GSDME: variants seen among roughly 807,000 people sequenced by gnomAD.
GSDME encodes the protein gasdermin-E.
GSDME carries 44 observed loss-of-function variants against 47.5 expected under a neutral mutation model. The observed-to-expected ratio is 0.93, with a 90% CI of 0.73 to 1.19. The LOEUF (loss-of-function observed/expected upper bound fraction) is 1.19, where lower values mean the gene tolerates loss of function less well. GSDME is among the 50% of genes most tolerant of loss of function. GSDME has a pLI of 0.00. For missense variants in GSDME, 663 were observed against 604.2 expected, an observed-to-expected ratio of 1.10 and a Z score of -1.02; for synonymous variants, 258 against 252.8, an observed-to-expected ratio of 1.02 and a Z score of -0.20.
At chr7:24,792,040 G>A in the GSDME span, among the ~76,000 whole-genome samples, 5 of 152,192 alleles carry the variant, frequency 3.3e-5, no homozygotes, top group Non-Finnish European at 5.9e-5. Context: ...GTCCATGCCT[G>A]GTCGACTGGA....
chr7:24,715,573 G>T (rs2721815), intron 5 of GSDME: 24 of 456,720 alleles, frequency 5.3e-5, no homozygotes, highest in African/African-American at 4.6e-4. Flanking sequence ...ACATAGGGGG[G>T]CTAGAAACCC....
intron 9 of GSDME, chr7:24,702,506 T>G: frequency 2.4e-6 from 1 of 412,182 alleles, no homozygotes; most frequent in Non-Finnish European, 4.7e-6. Flanking sequence ...AGTATAAGAG[T>G]TGGAGTCGAA....
chr7:24,761,567 T>C (rs1053722802), upstream of GSDME, among the ~76,000 whole-genome samples: 8 of 152,206 alleles, frequency 5.3e-5, no homozygotes, highest in African/African-American at 1.2e-4. This position sits in a 1 kb window ranked among gnomAD's most constrained non-coding sequence, Gnocchi z 4.4. Flanking sequence ...AACTATCACA[T>C]TGGTGATTAA....
chr7:24,703,193 A>T, intron 8 of GSDME: 1 of 350,792 alleles, frequency 2.9e-6, no homozygotes, highest in South Asian at 2.3e-5. Flanking sequence ...CCACACATTC[A>T]GGCTGCAGCC....
intron 8 of GSDME, chr7:24,703,050 T>A (rs989218743): frequency 2.7e-5 from 13 of 484,066 alleles, no homozygotes; most frequent in Admixed American, 5.2e-5. Flanking sequence ...AGCTCTGCAT[T>A]CCACAGAGGA....
At chr7:24,792,035 T>C in the GSDME span, among the ~76,000 whole-genome samples, 3 of 152,198 alleles carry the variant, frequency 2.0e-5, no homozygotes, top group South Asian at 4.1e-4. Flanking sequence ...ATGAAGTCCA[T>C]GCCTGGTCGA....
chr7:24,768,084 GT>G, the GSDME span, among the ~76,000 whole-genome samples: 1 of 152,210 alleles, frequency 6.6e-6, no homozygotes, highest in Non-Finnish European at 1.5e-5. The surrounding 1 kb of genome is among the most constrained non-coding windows in gnomAD (Gnocchi z 5.6). Context: ...CCCCCAGCTG[GT>G]TTTGTGGTCA....
intron 3 of GSDME, among the ~76,000 whole-genome samples, chr7:24,727,223 C>T (rs989245356): frequency 1.3e-5 from 2 of 152,254 alleles, no homozygotes; most frequent in African/African-American, 2.4e-5. Flanking sequence ...ACAGGCCCAC[C>T]TGAACCACAT....
At chr7:24,759,097 T>C (rs1410382504), upstream of GSDME, among the ~76,000 whole-genome samples, 1 of 152,164 alleles carries the variant, frequency 6.6e-6, no homozygotes. Context: ...GCCCCTGATT[T>C]GCTAATGTGA....
chr7:24,702,897 C>T (rs1041938461), intron 8 of GSDME, 64 bp from the exon 9 acceptor site: 37 of 1,384,270 alleles, frequency 2.7e-5, no homozygotes, highest in Admixed American at 1.7e-5. Context: ...AGAGCCAGCC[C>T]CTGGATGGCA....
At chr7:24,760,826 A>G (rs919669307), upstream of GSDME, among the ~76,000 whole-genome samples, 3 of 152,224 alleles carry the variant, frequency 2.0e-5, no homozygotes, top group Non-Finnish European at 4.4e-5. The surrounding 1 kb of genome is among the most constrained non-coding windows in gnomAD (Gnocchi z 4.2). Context: ...TAAAATAAAA[A>G]GCTTTATAGA....
rs1416852541 is a variant in GSDME at position 24,726,402 on chromosome 7, C to G, written c.405-7184G>C. ...CATGCAGACCCCACACTTCAACTCTCCTTCATTCATCTCCACAAATACCTG... is the reference window on the plus strand; with the variant it reads ...CATGCAGACCCCACACTTCAACTCTGCTTCATTCATCTCCACAAATACCTG... On this transcript the variant is annotated intron_variant, in intron 3 of 9. Transcript: ENST00000645220. This position sits in a 1 kb window ranked among gnomAD's most constrained non-coding sequence, Gnocchi z 5.6. Among the ~76,000 whole-genome samples the G allele has an allele frequency of 1.3e-5, 2 of 152,154 alleles. No individual in the cohort carries two copies. Among genetic ancestry groups the G allele is most frequent in the Non-Finnish European group, 1.5e-5 (1 of 68,032 alleles).
At chr7:24,740,811 T>C (rs1790465059) in intron 3 of GSDME, among the ~76,000 whole-genome samples, 1 of 152,208 alleles carries the variant, frequency 6.6e-6, no homozygotes, top group Admixed American at 6.5e-5. Context: ...TTCTCATTAC[T>C]GTATGTGCAT....
rs753293010 is a variant in GSDME, at chr7:24,702,703, C to T, written c.1257+57G>A. Reference sequence around the variant, plus strand: ...TTTTACCGGCTGCTGGATGTCTACCCCCTCATCATTTCCCCATTCCTATCC... The same window carrying T: ...TTTTACCGGCTGCTGGATGTCTACCTCCTCATCATTTCCCCATTCCTATCC... On this transcript the variant is annotated intron_variant, in intron 9 of 9. Transcript: ENST00000645220. 6.3e-6 allele frequency: 9 copies of T among 1,433,346 alleles called. No homozygotes were observed. In the Admixed American group the frequency reaches 1.2e-4, roughly 19 times the overall value. 88.8% of individuals were successfully genotyped at this position (1,433,346 alleles called of 1,614,324 possible). A position where few individuals can be genotyped will look rare whatever the true frequency, so the allele number is the denominator to read the frequency against.
chr7:24,702,664 A>G (rs1246682786), intron 9 of GSDME, 96 bp downstream of exon 9: 3 of 954,016 alleles, frequency 3.1e-6, no homozygotes, highest in African/African-American at 3.2e-5. Flanking sequence ...CTGTTGTGGT[A>G]AGTCCTAGAG....
At chr7:24,782,017 A>G in the GSDME span, among the ~76,000 whole-genome samples, 1 of 152,190 alleles carries the variant, frequency 6.6e-6, no homozygotes, top group Non-Finnish European at 1.5e-5. Flanking sequence ...AATGGCTGAG[A>G]TTACAGAAAT....
In GSDME at chr7:24,705,916, C is replaced by T. The variant is rs1294127103; in HGVS notation, c.1183+268G>A. On this transcript the variant is annotated intron_variant, in intron 8 of 9. Coordinates refer to ENST00000645220, the MANE Select transcript of GSDME (RefSeq NM_001127453.2). This position sits in a 1 kb window ranked among gnomAD's most constrained non-coding sequence, Gnocchi z 4.1. ...ATGCTTGCTTTTGTAGGCAAAGGGG[C>T]ACCCACTGTGGCCTTCCCTGGGGGA... 1 of 532,588 alleles carries T rather than the reference C, an allele frequency of 1.9e-6. No individual in the cohort carries two copies. The allele number at this position is 532,588 out of a possible 1,614,324, so 33.0% of individuals were successfully genotyped here.
intron 3 of GSDME, among the ~76,000 whole-genome samples, chr7:24,720,068 C>T (rs1048647543): frequency 6.6e-6 from 1 of 152,162 alleles, no homozygotes; most frequent in African/African-American, 2.4e-5. Context: ...TGTTTCATCT[C>T]TTAGAAGGGG....
At chr7:24,715,691 G>A (rs996921756) in intron 5 of GSDME, 1 of 320,112 alleles carries the variant, frequency 3.1e-6, no homozygotes, top group African/African-American at 2.3e-5. Context: ...TCTTTTCAAA[G>A]AGAAAGATGA....
Sources: gnomAD v4.1 joint callset for allele counts (sites outside exome capture counted in the v4.1 genomes callset) on GRCh38, gnomAD v4.1.1 for gene constraint, Gnocchi (gnomAD v3.1) non-coding constraint, MANE v1.5 for transcripts, NCBI Gene and HGNC (gene_info 2026-07-23, HGNC 2026-07-21) for gene names.